ODAD2: variants seen among roughly 807,000 people sequenced by gnomAD.
The protein encoded by ODAD2 is outer dynein arm-docking complex subunit 2.
Under a neutral mutation model 106.8 loss-of-function variants are expected in ODAD2, and 89 were observed. That is an observed-to-expected ratio of 0.83 (90% CI 0.70 to 0.99). The LOEUF (loss-of-function observed/expected upper bound fraction) is 0.99, where lower values mean the gene tolerates loss of function less well. Among genes scored for constraint, ODAD2 ranks in the 50% least tolerant of loss-of-function variants. The probability of loss-of-function intolerance (pLI) is 0.00; values close to 1 mark genes in which losing one functional copy is unlikely to be tolerated. For synonymous variants in ODAD2, 404 were observed against 436.2 expected (o/e 0.93, Z 0.92); for missense variants, 1,168 against 1,238.5 (o/e 0.94, Z 0.85).
In ODAD2 at chr10:27,971,221, A is replaced by T; in HGVS notation, c.1029T>A (p.Ile343=). 6.2e-7 allele frequency: 1 copy of T among 1,613,936 alleles called. No individual in the cohort carries two copies. Among genetic ancestry groups the T allele is most frequent in the South Asian group, 1.1e-5 (1 of 91,050 alleles). Residue 343 remains isoleucine, a synonymous_variant, in exon 8 of 20, where the codon ATT becomes ATA. Coordinates refer to ENST00000305242, the MANE Select transcript of ODAD2 (RefSeq NM_018076.5). The part of the protein sequence containing the change: ...KEEAAALRKD[I]SGSDKRSLEK... ...CCAGTGACCTTTTGTCTGAACCAGA[A>T]ATGTCTTTGCGGAGGGCAGCTGCTT...
chr10:27,927,877 T>C (rs1845361627), intron 16 of ODAD2, among the ~76,000 whole-genome samples: 1 of 152,068 alleles, frequency 6.6e-6, no homozygotes, highest in South Asian at 2.1e-4. Context: ...TCACTCTGTT[T>C]CTCTTCCTCA....
chr10:27,917,849 T>C (rs1844507512), intron 16 of ODAD2, among the ~76,000 whole-genome samples: 1 of 151,920 alleles, frequency 6.6e-6, no homozygotes, highest in Non-Finnish European at 1.5e-5. Context: ...ACTATCATTA[T>C]AGAATCTACA....
chr10:27,983,321 C>T (rs1849675158), intron 6 of ODAD2, among the ~76,000 whole-genome samples: 1 of 152,222 alleles, frequency 6.6e-6, no homozygotes, highest in Non-Finnish European at 1.5e-5. Flanking sequence ...CTTCAGAGAT[C>T]TGGAGCCCTG....
chr10:27,922,498 C>A (rs944634524), intron 16 of ODAD2, among the ~76,000 whole-genome samples: 3 of 151,688 alleles, frequency 2.0e-5, no homozygotes, highest in Non-Finnish European at 4.4e-5. Flanking sequence ...AGAAATAATG[C>A]ACTTTAAAAA....
At chr10:27,863,062 C>T (rs1413608701) in intron 17 of ODAD2, among the ~76,000 whole-genome samples, 3 of 152,184 alleles carry the variant, frequency 2.0e-5, no homozygotes, top group Non-Finnish European at 4.4e-5. Context: ...ACATTTTCAT[C>T]AGTTGATGGA....
intron 17 of ODAD2, among the ~76,000 whole-genome samples, chr10:27,905,846 C>T (rs530678234): frequency 1.3e-5 from 2 of 152,276 alleles, no homozygotes; most frequent in East Asian, 3.9e-4. Flanking sequence ...CTCTTCCTTA[C>T]ACCTTATACA....
At chr10:27,989,398 T>C (rs1339310912) in intron 2 of ODAD2, among the ~76,000 whole-genome samples, 5 of 152,316 alleles carry the variant, frequency 3.3e-5, no homozygotes, top group South Asian at 2.1e-4. Flanking sequence ...TGACATGCAT[T>C]GTTCACAAAA....
chr10:27,967,119 C>T (rs1323728468), intron 9 of ODAD2, among the ~76,000 whole-genome samples: 1 of 151,720 alleles, frequency 6.6e-6, no homozygotes, highest in Non-Finnish European at 1.5e-5. Context: ...CCTAATAAGA[C>T]AGAAAATGTT....
At chr10:27,984,368 CAGG>C (rs1849744358) in intron 4 of ODAD2, 78 bp from the exon 5 acceptor site, 1 of 960,688 alleles carries the variant, frequency 1.0e-6, no homozygotes, top group Admixed American at 2.2e-5. Context: ...TTCATTGTAT[CAGG>C]AGAAATATCT....
At chr10:27,873,569 T>C (rs1009276648) in intron 17 of ODAD2, among the ~76,000 whole-genome samples, 1 of 150,272 alleles carries the variant, frequency 6.7e-6, no homozygotes, top group Non-Finnish European at 1.5e-5. Flanking sequence ...TTGTTCTCAT[T>C]GTTTTCAAAG....
chr10:27,937,026 A>G (rs771277158), intron 14 of ODAD2, 146 bp from the exon 15 acceptor site: 78 of 735,366 alleles, frequency 1.1e-4, no homozygotes, highest in Non-Finnish European at 1.6e-4. Flanking sequence ...AATATAATTC[A>G]TCTTTCTACT....
Position 27,983,927 on chromosome 10 carries a change from C to T in ODAD2, c.735G>A (p.Gly245=), listed in dbSNP as rs1849715017. The T allele has an allele frequency of 6.2e-7, 1 of 1,606,608 alleles. No individual in the cohort carries two copies. The highest frequency in any genetic ancestry group is 1.3e-5 in the African/African-American group (1 of 74,334). The part of the protein sequence containing the change: ...CRAPPWRQIR[G]EICYVLVKPH... ...GTTTCACCAGCACATAACAAATTTCCCCACGAATTTGTCTCCACGGTGGGG... is the reference window on the plus strand; with the variant it reads ...GTTTCACCAGCACATAACAAATTTCTCCACGAATTTGTCTCCACGGTGGGG... The change falls in exon 6 of 20, where the codon GGG becomes GGA. Residue 245 remains glycine, a synonymous_variant. Coordinates refer to ENST00000305242, the MANE Select transcript of ODAD2 (RefSeq NM_018076.5).
At chr10:27,983,271 C>T (rs80211932) in intron 6 of ODAD2, among the ~76,000 whole-genome samples, 6,566 of 152,274 alleles carry the variant, frequency 0.043, 213 homozygotes, top group South Asian at 0.11. Context: ...TACAAGGATC[C>T]TCTTCCCGAG....
intron 19 of ODAD2, among the ~76,000 whole-genome samples, chr10:27,817,123 C>G (rs1308089065): frequency 6.6e-6 from 1 of 152,130 alleles, no homozygotes; most frequent in African/African-American, 2.4e-5. Flanking sequence ...CATTCTCCCT[C>G]TCTCACTGTA....
At chr10:27,958,566 T>C (rs749013446) in intron 10 of ODAD2, among the ~76,000 whole-genome samples, 26 of 152,188 alleles carry the variant, frequency 1.7e-4, no homozygotes, top group Non-Finnish European at 3.2e-4. Context: ...CTCACTCTAC[T>C]TCCCCCCTTT....
At chr10:27,998,712 G>T (rs1438309775) in intron 1 of ODAD2, among the ~76,000 whole-genome samples, 3 of 152,118 alleles carry the variant, frequency 2.0e-5, no homozygotes, top group African/African-American at 4.8e-5. Context: ...CGGCAGCGGC[G>T]GGGCCAGAGA....
At chr10:27,838,190 A>G (rs2133080423) in intron 19 of ODAD2, among the ~76,000 whole-genome samples, 1 of 152,306 alleles carries the variant, frequency 6.6e-6, no homozygotes, top group South Asian at 2.1e-4. Flanking sequence ...TTTTCAAGGG[A>G]AAAAACAAGA....
chr10:27,950,874 G>A (rs1847282925), intron 10 of ODAD2, among the ~76,000 whole-genome samples: 1 of 152,122 alleles, frequency 6.6e-6, no homozygotes, highest in Non-Finnish European at 1.5e-5. Flanking sequence ...AAAAGATTCA[G>A]AAGAATGAGC....
intron 19 of ODAD2, among the ~76,000 whole-genome samples, chr10:27,824,432 T>G (rs1328365821): frequency 1.3e-5 from 2 of 152,200 alleles, no homozygotes; most frequent in Non-Finnish European, 2.9e-5. Flanking sequence ...CTGCTCTCTG[T>G]CTCATGTACT....
Sources: gnomAD v4.1 joint callset for allele counts (sites outside exome capture counted in the v4.1 genomes callset) on GRCh38, gnomAD v4.1.1 for gene constraint, MANE v1.5 for transcripts, NCBI Gene and HGNC (gene_info 2026-07-23, HGNC 2026-07-21) for gene names.